GAN: variants seen among roughly 807,000 people sequenced by gnomAD.
GAN encodes gigaxonin.
GAN carries 48 observed loss-of-function variants against 71.3 expected under a neutral mutation model. That is an observed-to-expected ratio of 0.67 (90% CI 0.53 to 0.86). The LOEUF (loss-of-function observed/expected upper bound fraction) is 0.86. Among genes scored for constraint, GAN ranks in the 40% least tolerant of loss-of-function variants. GAN has a pLI of 0.00. For missense variants in GAN, 928 were observed against 770.1 expected, an observed-to-expected ratio of 1.21 and a Z score of -2.43; for synonymous variants, 386 against 276.8, an observed-to-expected ratio of 1.39 and a Z score of -3.92.
intron 1 of GAN, among the ~76,000 whole-genome samples, chr16:81,338,202 AGT>A (rs1282134464): frequency 6.6e-6 from 1 of 152,024 alleles, no homozygotes; most frequent in African/African-American, 2.4e-5. Context: ...TTTTTTTTAG[AGT>A]GTTATAAAAT....
chr16:81,337,089 G>C (rs1365450551), intron 1 of GAN, among the ~76,000 whole-genome samples: 6 of 152,022 alleles, frequency 3.9e-5, no homozygotes, highest in Admixed American at 6.5e-5. Context: ...CTTCCCTGAA[G>C]GTCTATTTTT....
In GAN at chr16:81,354,460, T is replaced by C; in HGVS notation, c.338T>C (p.Leu113Pro). Residue 113 changes from leucine (L) to proline (P), a missense_variant, in exon 3 of 11, where the codon CTA (leucine) becomes CCA (proline). Leu to Pro is a moderately conservative substitution (Grantham distance 98). Transcript: ENST00000648994. Reference protein sequence around the residue: ...QDVVQAADLLLLTDLKTLCCE... With the variant: ...QDVVQAADLLPLTDLKTLCCE... Reference sequence around the variant, plus strand: ...GTTGTTCAGGCAGCTGACCTGCTGCTACTGACGGACCTTAAAACCCTGTGC... The same window carrying C: ...GTTGTTCAGGCAGCTGACCTGCTGCCACTGACGGACCTTAAAACCCTGTGC... 3 of 1,614,114 alleles carry C rather than the reference T, an allele frequency of 1.9e-6. No homozygotes were observed. Among genetic ancestry groups the C allele is most frequent in the Non-Finnish European group, 2.5e-6 (3 of 1,179,926 alleles).
In GAN at chr16:81,389,531, G is replaced by C. The variant is rs895725921; in HGVS notation, c.*11935G>C. ...TGTCCTCATCAGAAACGGTATCGCGGATGCTCCTCAGGTAGGCGTAGGCAG... is the reference window on the plus strand; with the variant it reads ...TGTCCTCATCAGAAACGGTATCGCGCATGCTCCTCAGGTAGGCGTAGGCAG... On this transcript the variant is annotated 3_prime_UTR_variant, in exon 11 of 11. Transcript: ENST00000648994. 1 of 152,206 alleles carries C rather than the reference G, an allele frequency of 6.6e-6. No homozygotes were observed. Among genetic ancestry groups the C allele is most frequent in the African/African-American group, 2.4e-5 (1 of 41,436 alleles). 9.4% of individuals were successfully genotyped at this position (152,206 alleles called of 1,614,324 possible).
intron 4 of GAN, 149 bp downstream of exon 4, chr16:81,357,151 A>C (rs1472575723): frequency 4.4e-6 from 3 of 684,066 alleles, no homozygotes; most frequent in African/African-American, 1.8e-5. Context: ...ACATGTGCAC[A>C]ATGTGCAGGT....
chr16:81,368,927 GTAA>G lies in GAN; in HGVS notation c.1502+3452_1502+3454del, dbSNP rs1198514201. Among the ~76,000 whole-genome samples, 7 of 152,246 alleles carry G rather than the reference GTAA, an allele frequency of 4.6e-5. No individual in the cohort carries two copies. The East Asian group carries it at 7.7e-4, about 17-fold the overall frequency. ...GTTTCCCACTGCTTACTAAACAAAG[GTAA>G]TAGTTCTTAGCCACCTACTCAGGGT... On this transcript the variant is annotated intron_variant, in intron 9 of 10. Coordinates refer to ENST00000648994, the MANE Select transcript of GAN (RefSeq NM_022041.4).
intron 1 of GAN, among the ~76,000 whole-genome samples, chr16:81,349,959 T>C (rs1337563406): frequency 6.6e-6 from 1 of 152,206 alleles, no homozygotes; most frequent in Non-Finnish European, 1.5e-5. Flanking sequence ...TGAATTTTTT[T>C]TTAAACCTTA....
At chr16:81,354,316 G>A in intron 2 of GAN, 89 bp from the exon 3 acceptor site, 1 of 833,624 alleles carries the variant, frequency 1.2e-6, no homozygotes. Context: ...AAAATAAATG[G>A]AAATTTCATG....
In GAN at chr16:81,382,373, C is replaced by A. The variant is rs926234085; in HGVS notation, c.*4777C>A. ...ACATGTCCTTTGCTAGTTGCACAGG[C>A]ATAAGCTGAAAGATCTTTGATTTTC... On this transcript the variant is annotated 3_prime_UTR_variant, in exon 11 of 11. Coordinates refer to ENST00000648994, the MANE Select transcript of GAN (RefSeq NM_022041.4). 6.6e-6 allele frequency: 1 copy of A among 152,182 alleles called. No homozygotes were observed. Among genetic ancestry groups the A allele is most frequent in the Non-Finnish European group, 1.5e-5 (1 of 68,030 alleles). 9.4% of individuals were successfully genotyped at this position (152,182 alleles called of 1,614,324 possible).
rs1194189051 is a variant in GAN, at chr16:81,384,459, C to T, written c.*6863C>T. On this transcript the variant is annotated 3_prime_UTR_variant, in exon 11 of 11. Coordinates refer to ENST00000648994, the MANE Select transcript of GAN (RefSeq NM_022041.4). ...AATGCAGAAAAGTAGTCTATTTAAA[C>T]GCCACTGCTGTGTAAAACAGGGGGC... 5 of 152,082 alleles carry T rather than the reference C, an allele frequency of 3.3e-5. No homozygotes were observed. Among genetic ancestry groups the T allele is most frequent in the Admixed American group, 2.6e-4 (4 of 15,236 alleles). The allele number at this position is 152,082 out of a possible 1,614,324, so 9.4% of individuals were successfully genotyped here.
rs776812286 is a variant in GAN, at chr16:81,357,852, C to G, written c.894C>G (p.Leu298=). Residue 298 remains leucine (L), a synonymous_variant, in exon 5 of 11, where the codon CTC becomes CTG. Transcript: ENST00000648994. The part of the protein sequence containing the change: ...PTAAMRCMCP[L]YDPNRQLWIE... ...CAGCGATGCGATGCATGTGCCCTCT[C>G]TATGACCCTAACAGGCAGCTTTGGA... The G allele has an allele frequency of 7.4e-6, 12 of 1,613,318 alleles. No homozygotes were observed. The highest frequency in any genetic ancestry group is 6.6e-5 in the South Asian group (6 of 91,058).
intron 9 of GAN, among the ~76,000 whole-genome samples, chr16:81,373,365 T>A (rs181245990): frequency 6.6e-6 from 1 of 152,342 alleles, no homozygotes; most frequent in African/African-American, 2.4e-5. Context: ...AACAGACAAT[T>A]GTTCATTTAC....
At position 81,389,906 on chromosome 16, in the gene GAN, T is replaced by A. The variant is rs1430051848; in HGVS notation, c.*12310T>A. ...TTTGTCATTTTGATGCTTTGAATAC[T>A]ATAAGGAAAATGCCACGAATACCAT... is the stretch of plus-strand genomic sequence containing the variant. On this transcript the variant is annotated 3_prime_UTR_variant, in exon 11 of 11. Coordinates refer to ENST00000648994, the MANE Select transcript of GAN (RefSeq NM_022041.4). 6.6e-6 allele frequency: 1 copy of A among 152,238 alleles called. No homozygotes were observed. Among genetic ancestry groups the A allele is most frequent in the African/African-American group, 2.4e-5 (1 of 41,458 alleles). 9.4% of individuals were successfully genotyped at this position (152,238 alleles called of 1,614,324 possible).
At chr16:81,368,265 G>T (rs1481455347) in intron 9 of GAN, among the ~76,000 whole-genome samples, 2 of 152,120 alleles carry the variant, frequency 1.3e-5, no homozygotes, top group African/African-American at 4.8e-5. Context: ...TCCATATTCT[G>T]TTAGTAACAC....
At chr16:81,352,867 C>G (rs186544997) in intron 2 of GAN, among the ~76,000 whole-genome samples, 113 of 152,332 alleles carry the variant, frequency 7.4e-4, no homozygotes, top group Middle Eastern at 3.4e-3. Context: ...CTTGTAAAGT[C>G]AATCCAGCAG....
intron 1 of GAN, among the ~76,000 whole-genome samples, chr16:81,350,770 C>T (rs564473698): frequency 1.3e-5 from 2 of 152,266 alleles, no homozygotes; most frequent in Admixed American, 6.5e-5. Context: ...CTACCCACCT[C>T]GGCCTCCCAA....
intron 1 of GAN, among the ~76,000 whole-genome samples, chr16:81,321,141 TTAG>T (rs1293642706): frequency 1.3e-5 from 2 of 152,210 alleles, no homozygotes; most frequent in Non-Finnish European, 2.9e-5. Flanking sequence ...GTTGCCACTA[TTAG>T]TAGCAGTAGA....
intron 9 of GAN, among the ~76,000 whole-genome samples, chr16:81,373,394 T>C (rs1418085513): frequency 1.3e-5 from 2 of 152,224 alleles, no homozygotes; most frequent in Non-Finnish European, 2.9e-5. Context: ...GAGGGAACAT[T>C]ATTATTACAT....
chr16:81,368,834 C>T (rs310027), intron 9 of GAN, among the ~76,000 whole-genome samples: 127,166 of 152,188 alleles, frequency 0.84, 53,396 homozygotes, highest in East Asian at 0.91. Context: ...TGACAAAAAT[C>T]AGCCAGGCAT....
intron 2 of GAN, among the ~76,000 whole-genome samples, chr16:81,353,250 C>T (rs1053459836): frequency 6.7e-6 from 1 of 149,490 alleles, no homozygotes; most frequent in African/African-American, 2.5e-5. Context: ...CGAGATTGCG[C>T]CACTGCACTC....
Sources: allele counts gnomAD v4.1 joint callset (sites outside exome capture counted in the v4.1 genomes callset), GRCh38; gene constraint gnomAD v4.1.1; transcripts MANE v1.5; gene names NCBI Gene and HGNC (gene_info 2026-07-23, HGNC 2026-07-21).